The following TDRD15 variants were observed in gnomAD, a reference collection of about 807,000 sequenced individuals.
TDRD15 encodes the protein tudor domain containing 15.
For missense variants in TDRD15, 1,416 were observed against 904.7 expected (o/e 1.57, Z -7.25); for synonymous variants, 503 against 314.5 (o/e 1.60, Z -6.34).
At chr2:21,136,949 A>G (rs1572298381) in intron 3 of TDRD15, among the ~76,000 whole-genome samples, 1 of 152,164 alleles carries the variant, frequency 6.6e-6, no homozygotes, top group South Asian at 2.1e-4. Context: ...GAGTCCAAAT[A>G]TTGCGAGTTC....
rs561630909 is a variant in TDRD15 at position 21,140,985 on chromosome 2, C to T, written c.3518C>T (p.Thr1173Ile). 8.4e-6 allele frequency: 6 copies of T among 713,844 alleles called. No homozygotes were observed. Among genetic ancestry groups the T allele is most frequent in the South Asian group, 6.0e-5 (4 of 67,026 alleles). 44.2% of individuals were successfully genotyped at this position (713,844 alleles called of 1,614,324 possible). A position where few individuals can be genotyped will look rare whatever the true frequency, so the allele number is the denominator to read the frequency against. Residue 1173 changes from threonine to isoleucine, a missense_variant, in exon 4 of 4, where the codon ACA becomes ATA. Thr to Ile is a moderately conservative substitution (Grantham distance 89, BLOSUM62 -1). Coordinates refer to ENST00000405799, the MANE Select transcript of TDRD15 (RefSeq NM_001306137.2). Reference protein sequence around the residue: ...KRFTTSLKGKTGNNYRHNVIN... With the variant: ...KRFTTSLKGKIGNNYRHNVIN... ...TTTACTACTTCTTTGAAAGGCAAAA[C>T]AGGAAACAACTATCGCCATAATGTG...
Position 21,137,484 on chromosome 2 carries a change from TC to T in TDRD15, c.18del (p.Leu7TyrfsTer5). On this transcript the variant is annotated frameshift_variant, in exon 4 of 4. Transcript: ENST00000405799. LOFTEE classifies it low-confidence loss of function (END_TRUNC). The part of the protein sequence containing the change: MDSTS[F>X]LPTFLDVDLT... ...TTTTAGAAAATGGATTCTACATCTT[TC>T]TTACCAACATTTTTAGATGTGGATC... is the stretch of plus-strand genomic sequence containing the variant. The T allele has an allele frequency of 1.5e-6, 1 of 649,560 alleles. No homozygotes were observed. The allele number at this position is 649,560 out of a possible 1,614,324, so 40.2% of individuals were successfully genotyped here.
rs1665974756 is a variant in TDRD15 at position 21,143,246 on chromosome 2, A to T, written c.5779A>T (p.Thr1927Ser). The T allele has an allele frequency of 1.6e-6, 1 of 616,598 alleles. No homozygotes were observed. The highest frequency in any genetic ancestry group is 1.9e-5 in the African/African-American group (1 of 53,314). The allele number at this position is 616,598 out of a possible 1,614,324, so 38.2% of individuals were successfully genotyped here. ...DSPHLDAITA[T>S]ESAKNPI ...ACCTCATCTTGATGCAATTACTGCT[A>T]CTGAATCTGCTAAAAATCCAATATA... Residue 1927 changes from threonine (T) to serine (S), a missense_variant, in exon 4 of 4, where the codon ACT becomes TCT. By Grantham distance (58) the Thr-to-Ser change is moderately conservative (BLOSUM62 1). Coordinates refer to ENST00000405799, the MANE Select transcript of TDRD15 (RefSeq NM_001306137.2).
At chr2:21,135,387 G>T (rs550770441) in intron 3 of TDRD15, among the ~76,000 whole-genome samples, 25 of 151,820 alleles carry the variant, frequency 1.6e-4, no homozygotes, top group African/African-American at 5.8e-4. Flanking sequence ...CACAGGATAG[G>T]TTATGTTGTC....
rs1447722879 is a variant in TDRD15 at position 21,137,754 on chromosome 2, G to A, written c.287G>A (p.Arg96His). 25 of 716,470 alleles carry A rather than the reference G, an allele frequency of 3.5e-5. No individual in the cohort carries two copies. The highest frequency in any genetic ancestry group is 6.2e-5 in the Non-Finnish European group (24 of 384,496). The allele number at this position is 716,470 out of a possible 1,614,324, so 44.4% of individuals were successfully genotyped here. Residue 96 changes from arginine to histidine, a missense_variant, in exon 4 of 4, where the codon CGC becomes CAC. Physicochemically the swap from Arg to His is conservative, Grantham distance 29. Transcript: ENST00000405799. The stretch of plus-strand genomic sequence containing the variant: ...CTCTATACAGTGCTCCTCATAGATC[G>A]CGGAGAAGAACTAAGAGTTGCTGGT... The part of the protein sequence containing the change: ...NELYTVLLID[R>H]GEELRVAGPQ...
At chr2:21,137,326 T>C in intron 3 of TDRD15, 139 bp from the exon 4 acceptor site, 6 of 433,130 alleles carry the variant, frequency 1.4e-5, no homozygotes, top group Non-Finnish European at 4.2e-6. Flanking sequence ...TCATTCGATA[T>C]GTATAATTTT....
At position 21,142,618 on chromosome 2, in the gene TDRD15, A is replaced by G. The variant is rs1233575822; in HGVS notation, c.5151A>G (p.Ser1717=). ...ACATTGAATCTAAGACTCCTGTATC[A>G]TCATGCACAATAAAATCATTTACTT... ...VYNIESKTPV[S]SCTIKSFTWV... is the part of the protein sequence containing the mutation. Residue 1717 remains serine (S), a synonymous_variant, in exon 4 of 4, where the codon TCA becomes TCG. Coordinates refer to ENST00000405799, the MANE Select transcript of TDRD15 (RefSeq NM_001306137.2). The G allele has an allele frequency of 1.4e-5, 10 of 712,862 alleles. No homozygotes were observed. Among genetic ancestry groups the G allele is most frequent in the Admixed American group, 1.2e-4 (6 of 49,584 alleles). 44.2% of individuals were successfully genotyped at this position (712,862 alleles called of 1,614,324 possible). A position where few individuals can be genotyped will look rare whatever the true frequency, so the allele number is the denominator to read the frequency against.
Position 21,139,317 on chromosome 2 carries a change from A to G in TDRD15, c.1850A>G (p.Lys617Arg). ...ACTAAGGCTGCAATTGATTATTTTA[A>G]AAAATTAGTTTTGAACAAAGCAATT... Reference protein sequence around the residue: ...LWTKAAIDYFKKLVLNKAILL... With the variant: ...LWTKAAIDYFRKLVLNKAILL... The change falls in exon 4 of 4, where the codon AAA becomes AGA. Residue 617 changes from lysine to arginine, a missense_variant. Coordinates refer to ENST00000405799, the MANE Select transcript of TDRD15 (RefSeq NM_001306137.2). The G allele has an allele frequency of 1.4e-6, 1 of 706,800 alleles. No individual in the cohort carries two copies. The highest frequency in any genetic ancestry group is 1.5e-5 in the South Asian group (1 of 65,012). 43.8% of individuals were successfully genotyped at this position (706,800 alleles called of 1,614,324 possible). A position where few individuals can be genotyped will look rare whatever the true frequency, so the allele number is the denominator to read the frequency against.
chr2:21,145,282 TTTTG>T (rs1666013073), downstream of TDRD15, among the ~76,000 whole-genome samples: 1 of 152,076 alleles, frequency 6.6e-6, no homozygotes, highest in Admixed American at 6.6e-5. Context: ...CTCTGACTGA[TTTTG>T]TTTGTTATTT....
chr2:21,138,326 C>A lies in TDRD15; in HGVS notation c.859C>A (p.Pro287Thr). 1.4e-6 allele frequency: 1 copy of A among 716,536 alleles called. No individual in the cohort carries two copies. The highest frequency in any genetic ancestry group is 2.6e-6 in the Non-Finnish European group (1 of 384,474). 44.4% of individuals were successfully genotyped at this position (716,536 alleles called of 1,614,324 possible). A position where few individuals can be genotyped will look rare whatever the true frequency, so the allele number is the denominator to read the frequency against. Residue 287 changes from proline (P) to threonine (T), a missense_variant, in exon 4 of 4, where the codon CCC (proline) becomes ACC (threonine). By Grantham distance (38) the Pro-to-Thr change is conservative (BLOSUM62 -1). Transcript: ENST00000405799. ...TGATACCGTCTGTCAAGAAACTAGT[C>A]CCACGTGTGATAATTTTGGACTGCT... is the stretch of plus-strand genomic sequence containing the variant. Reference protein sequence around the residue: ...HYDTVCQETSPTCDNFGLLCV... With the variant: ...HYDTVCQETSTTCDNFGLLCV...
At chr2:21,146,859 G>A (rs1047607299), downstream of TDRD15, among the ~76,000 whole-genome samples, 2 of 152,032 alleles carry the variant, frequency 1.3e-5, no homozygotes, top group Non-Finnish European at 2.9e-5. Context: ...TTTATGACTC[G>A]CTTGCATTGG....
chr2:21,125,292 G>A (rs1043855002), intron 1 of TDRD15, among the ~76,000 whole-genome samples: 6 of 151,346 alleles, frequency 4.0e-5, no homozygotes, highest in Non-Finnish European at 5.9e-5. Context: ...GAGAGAGAGC[G>A]ATCCTAATGC....
chr2:21,126,672 AT>A (rs1414239823), intron 1 of TDRD15, among the ~76,000 whole-genome samples: 1 of 152,146 alleles, frequency 6.6e-6, no homozygotes, highest in African/African-American at 2.4e-5. Context: ...GATAGTTTCC[AT>A]TTTATGCGTT....
At chr2:21,134,303 A>G (rs946654929) in intron 2 of TDRD15, among the ~76,000 whole-genome samples, 2 of 151,964 alleles carry the variant, frequency 1.3e-5, no homozygotes, top group African/African-American at 4.8e-5. Context: ...GATTTTTTAA[A>G]ATATAATTTT....
intron 2 of TDRD15, among the ~76,000 whole-genome samples, chr2:21,134,073 C>T (rs558288339): frequency 6.6e-6 from 1 of 151,874 alleles, no homozygotes; most frequent in East Asian, 1.9e-4. Flanking sequence ...CTGGTCTGGA[C>T]TTGTTTGATG....
downstream of TDRD15, among the ~76,000 whole-genome samples, chr2:21,145,133 G>A (rs1311786528): frequency 6.6e-6 from 1 of 151,984 alleles, no homozygotes; most frequent in East Asian, 1.9e-4. Context: ...CCACATGGAA[G>A]GAAACATCAG....
intron 2 of TDRD15, among the ~76,000 whole-genome samples, chr2:21,134,014 A>G (rs566774709): frequency 2.0e-4 from 30 of 151,988 alleles, no homozygotes; most frequent in African/African-American, 6.8e-4. Flanking sequence ...AAATGGTGTT[A>G]CTGGATTACT....
chr2:21,143,839 G>A lies in TDRD15; in HGVS notation c.*567G>A, dbSNP rs1001970214. Among the ~76,000 whole-genome samples, 9 of 151,616 alleles carry A rather than the reference G, an allele frequency of 5.9e-5. No individual in the cohort carries two copies. The highest frequency in any genetic ancestry group is 1.3e-4 in the Non-Finnish European group (9 of 67,700). ...CGGATGAACTGGAAGTGGCCACTAC[G>A]ATTTTAAAACGTTGCTTCACTATCT... On this transcript the variant is annotated 3_prime_UTR_variant, in exon 4 of 4. Transcript: ENST00000405799.
At position 21,138,923 on chromosome 2, in the gene TDRD15, G is replaced by T. The variant is rs1404075020; in HGVS notation, c.1456G>T (p.Ala486Ser). 1 of 715,242 alleles carries T rather than the reference G, an allele frequency of 1.4e-6. No homozygotes were observed. Among genetic ancestry groups the T allele is most frequent in the Admixed American group, 2.0e-5 (1 of 49,794 alleles). 44.3% of individuals were successfully genotyped at this position (715,242 alleles called of 1,614,324 possible). A position where few individuals can be genotyped will look rare whatever the true frequency, so the allele number is the denominator to read the frequency against. Residue 486 changes from alanine to serine, a missense_variant, in exon 4 of 4, where the codon GCT (alanine) becomes TCT (serine). Physicochemically the swap from Ala to Ser is moderately conservative, Grantham distance 99. Transcript: ENST00000405799. ...VQMEIEAAYI[A>S]FIAYVLNPSN... ...AATGGAGATAGAGGCTGCCTACATA[G>T]CTTTTATAGCATATGTATTAAACCC...
Sources: gnomAD v4.1 joint callset for allele counts (sites outside exome capture counted in the v4.1 genomes callset) on GRCh38, gnomAD v4.1.1 for gene constraint, MANE v1.5 for transcripts, NCBI Gene and HGNC (gene_info 2026-07-23, HGNC 2026-07-21) for gene names.